Variants in PRIM2 observed in about 807,000 individuals in gnomAD.
PRIM2 encodes DNA primase large subunit.
PRIM2 carries 39 observed loss-of-function variants against 67.3 expected under a neutral mutation model. That is an observed-to-expected ratio of 0.58 (90% CI 0.45 to 0.76). The LOEUF (loss-of-function observed/expected upper bound fraction) is 0.76, where lower values mean the gene tolerates loss of function less well. PRIM2 is among the 30% of genes least tolerant of loss of function. PRIM2 has a pLI of 0.00. For missense variants in PRIM2, 398 were observed against 598.7 expected (o/e 0.66, Z 3.50); for synonymous variants, 143 against 198.7 (o/e 0.72, Z 2.36).
At chr6:57,437,059 TG>T (rs1280614145) in intron 7 of PRIM2, among the ~76,000 whole-genome samples, 1 of 152,204 alleles carries the variant, frequency 6.6e-6, no homozygotes, top group Non-Finnish European at 1.5e-5. Flanking sequence ...CATCTGCTTC[TG>T]GGGAGGCATC....
chr6:57,636,343 TC>T (rs1777121288), intron 13 of PRIM2, among the ~76,000 whole-genome samples: 1 of 152,180 alleles, frequency 6.6e-6, no homozygotes, highest in South Asian at 2.1e-4. Context: ...ATTTCTCTAT[TC>T]CTTTTCCTAA....
At chr6:57,548,852 C>T (rs1376885327) in intron 10 of PRIM2, among the ~76,000 whole-genome samples, 3 of 151,704 alleles carry the variant, frequency 2.0e-5, no homozygotes, top group Non-Finnish European at 4.4e-5. Flanking sequence ...AAGGATTTGG[C>T]GTATTTAGGG....
chr6:57,249,521 C>T, the PRIM2 span, among the ~76,000 whole-genome samples: 2 of 152,072 alleles, frequency 1.3e-5, no homozygotes, highest in Non-Finnish European at 1.5e-5. Context: ...GCAGGTGGAT[C>T]GCTTGAAGTC....
chr6:57,343,453 G>A (rs532577735), intron 5 of PRIM2, among the ~76,000 whole-genome samples: 71 of 152,304 alleles, frequency 4.7e-4, no homozygotes, highest in African/African-American at 1.7e-3. Flanking sequence ...AGAGCTGTGT[G>A]TACCTTTTTA....
At chr6:57,486,134 A>G (rs1170709446) in intron 7 of PRIM2, among the ~76,000 whole-genome samples, 10,602 of 152,238 alleles carry the variant, frequency 0.07, 525 homozygotes, top group East Asian at 0.2. Flanking sequence ...TGTCATTCAG[A>G]ATGTCTGGAG....
At chr6:57,608,443 G>A (rs1487245844) in intron 12 of PRIM2, among the ~76,000 whole-genome samples, 3 of 152,140 alleles carry the variant, frequency 2.0e-5, no homozygotes, top group Non-Finnish European at 2.9e-5. Flanking sequence ...CAAAAAAAAT[G>A]TGTCAGGCCA....
At chr6:57,267,758 A>G in the PRIM2 span, among the ~76,000 whole-genome samples, 1 of 151,138 alleles carries the variant, frequency 6.6e-6, no homozygotes, top group Non-Finnish European at 1.5e-5. Flanking sequence ...AAAAATTTTA[A>G]AATTAGCTAG....
chr6:57,245,489 A>G, the PRIM2 span, among the ~76,000 whole-genome samples: 1 of 152,152 alleles, frequency 6.6e-6, no homozygotes, highest in Admixed American at 6.5e-5. Context: ...CCAAATTGCC[A>G]AGTTAGCTCA....
intron 7 of PRIM2, among the ~76,000 whole-genome samples, chr6:57,446,289 G>GTTT (rs10667309): frequency 5.2e-4 from 72 of 139,638 alleles, no homozygotes; most frequent in African/African-American, 1.5e-3. Flanking sequence ...TGTTTTTTTT[G>GTTT]TTTTTTTTTT....
chr6:57,627,101 C>A (rs1408295244), intron 12 of PRIM2, among the ~76,000 whole-genome samples: 3 of 150,526 alleles, frequency 2.0e-5, no homozygotes, highest in Non-Finnish European at 4.4e-5. Flanking sequence ...GCCAACATGG[C>A]AAAACCCCAT....
chr6:57,607,631 T>C (rs1776586978), intron 12 of PRIM2, among the ~76,000 whole-genome samples: 1 of 152,070 alleles, frequency 6.6e-6, no homozygotes, highest in Non-Finnish European at 1.5e-5. Flanking sequence ...AAAGGAAGTA[T>C]AGTTGGTTTC....
rs540141126 is a variant in PRIM2, at chr6:57,357,155, A to G, written c.460-22746A>G. Among the ~76,000 whole-genome samples, 5 of 152,166 alleles carry G rather than the reference A, an allele frequency of 3.3e-5. No individual in the cohort carries two copies. In the South Asian group the frequency reaches 1.0e-3, roughly 32 times the overall value. Reference sequence around the variant, plus strand: ...CACCATGATGGCCAAGCTGGTCTTGAACTCCTGACTTTGTGATCCCCCCAC... The same window carrying G: ...CACCATGATGGCCAAGCTGGTCTTGGACTCCTGACTTTGTGATCCCCCCAC... On this transcript the variant is annotated intron_variant, in intron 5 of 13. Transcript: ENST00000615550.
the PRIM2 span, among the ~76,000 whole-genome samples, chr6:57,270,038 G>T: frequency 6.6e-6 from 1 of 152,136 alleles, no homozygotes; most frequent in African/African-American, 2.4e-5. Flanking sequence ...CTGTAGCCTT[G>T]TAGTATAGTT....
intron 7 of PRIM2, among the ~76,000 whole-genome samples, chr6:57,439,621 A>G (rs72873558): frequency 3.3e-5 from 5 of 151,466 alleles, no homozygotes; most frequent in African/African-American, 1.2e-4. Context: ...TGCCATGTTG[A>G]TCAGGCTGGT....
chr6:57,573,503 T>G (rs1286554197), intron 10 of PRIM2, among the ~76,000 whole-genome samples: 9 of 152,086 alleles, frequency 5.9e-5, no homozygotes, highest in Non-Finnish European at 1.3e-4. Context: ...TAAAACAGAA[T>G]AGAAAATAAT....
At position 57,318,485 on chromosome 6, in the gene PRIM2, G is replaced by T. The variant is rs1270411704; in HGVS notation, c.40G>T (p.Ala14Ser). 2 of 1,610,892 alleles carry T rather than the reference G, an allele frequency of 1.2e-6. No individual in the cohort carries two copies. Among genetic ancestry groups the T allele is most frequent in the East Asian group, 2.2e-5 (1 of 44,828 alleles). Residue 14 changes from alanine to serine, a missense_variant, in exon 2 of 14, where the codon GCA becomes TCA. Ala to Ser is a moderately conservative substitution (Grantham distance 99, BLOSUM62 1). Around this residue, in one of 4 missense-constraint regions of PRIM2, gnomAD observed 96 missense variants for 98.3 expected, o/e 0.98. Transcript: ENST00000615550. ...AAGAAAGTGGAGGAAGCTGAGGTTG[G>T]CAGGTGACCAGAGGAATGCTTCCTA... ...SGRKWRKLRLAGDQRNASYPH... is the reference protein window; with the variant it reads ...SGRKWRKLRLSGDQRNASYPH...
At chr6:57,453,887 C>T (rs201148618) in intron 7 of PRIM2, among the ~76,000 whole-genome samples, 7 of 152,100 alleles carry the variant, frequency 4.6e-5, no homozygotes, top group South Asian at 4.2e-4. Context: ...GAATGCTTCC[C>T]GTTTTTGCCC....
chr6:57,540,090 A>C (rs1775116045), intron 10 of PRIM2, among the ~76,000 whole-genome samples: 1 of 152,292 alleles, frequency 6.6e-6, no homozygotes, highest in South Asian at 2.1e-4. Flanking sequence ...ACCCTCTTCA[A>C]GCGATGTGAG....
At chr6:57,580,751 A>AT (rs1436270562) in intron 10 of PRIM2, among the ~76,000 whole-genome samples, 2 of 152,082 alleles carry the variant, frequency 1.3e-5, no homozygotes, top group African/African-American at 4.8e-5. Context: ...AATGAGAGTG[A>AT]TTTTTCTGCT....
Sources: allele counts gnomAD v4.1 joint callset (sites outside exome capture counted in the v4.1 genomes callset), GRCh38; gene constraint gnomAD v4.1.1; regional missense constraint gnomAD v4.1.1; transcripts MANE v1.5; gene names NCBI Gene and HGNC (gene_info 2026-07-23, HGNC 2026-07-21).